INO80D: variants seen among roughly 807,000 people sequenced by gnomAD.
INO80D encodes INO80 complex subunit D.
A neutral mutation model predicts 87.6 loss-of-function variants in INO80D; 21 were observed. That is an observed-to-expected ratio of 0.24 (90% CI 0.17 to 0.35). INO80D has a LOEUF of 0.35. Ranked by LOEUF, INO80D falls within the 10% of genes least tolerant of loss-of-function variation. The pLI is 1.00. For synonymous variants in INO80D, 440 were observed against 491.0 expected (o/e 0.90, Z 1.37); for missense variants, 982 against 1,280.7 (o/e 0.77, Z 3.56).
At chr2:206,012,125 A>G (rs1431581243) in intron 8 of INO80D, among the ~76,000 whole-genome samples, 1 of 152,204 alleles carries the variant, frequency 6.6e-6, no homozygotes, top group African/African-American at 2.4e-5. Flanking sequence ...AGCTAATATG[A>G]TCAGATGTAT....
At chr2:206,028,926 C>T (rs145044147) in intron 5 of INO80D, among the ~76,000 whole-genome samples, 15 of 149,664 alleles carry the variant, frequency 1.0e-4, no homozygotes, top group African/African-American at 2.7e-4. Flanking sequence ...CTCACTCTGT[C>T]GCCCAGGCTG....
chr2:206,064,120 A>AG (rs1689754894), intron 1 of INO80D, among the ~76,000 whole-genome samples: 1 of 152,198 alleles, frequency 6.6e-6, no homozygotes, highest in African/African-American at 2.4e-5. Flanking sequence ...GACCACACTT[A>AG]TATCATTCAT....
rs368118451 is a variant in INO80D at position 206,004,677 on chromosome 2, C to T, written c.2775G>A (p.Ser925=). 4.7e-5 allele frequency: 76 copies of T among 1,613,642 alleles called. No homozygotes were observed. Among genetic ancestry groups the T allele is most frequent in the Middle Eastern group, 3.3e-4 (2 of 6,084 alleles). ...AGGCAGGCTGTGTGGTCTCTGAGTT[C>T]GAAGTGGTGGGTGGCGTGGATAGGG... ...STSLSTPPTT[S]NSETTQPAFA... The change falls in exon 11 of 11, where the codon TCG becomes TCA. Residue 925 remains serine (S), a synonymous_variant. Coordinates refer to ENST00000403263, the MANE Select transcript of INO80D (RefSeq NM_017759.5). The surrounding 1 kb of genome is among the most constrained non-coding windows in gnomAD (Gnocchi z 4.9).
chr2:206,045,106 A>C (rs1689161060), intron 5 of INO80D, among the ~76,000 whole-genome samples: 1 of 152,206 alleles, frequency 6.6e-6, no homozygotes, highest in South Asian at 2.1e-4. Flanking sequence ...ACATCATGCT[A>C]TTATAATTTA....
At position 206,071,593 on chromosome 2, in the gene INO80D, G is replaced by C. The variant is rs1243847109; in HGVS notation, c.-123-8349C>G. 1.4e-5 allele frequency among the ~76,000 whole-genome samples: 2 copies of C among 145,180 alleles called. 1 individual carries two copies. The highest frequency in any genetic ancestry group is 5.1e-5 in the African/African-American group (2 of 39,004). The stretch of plus-strand genomic sequence containing the variant: ...CTTCATTTTTATTTGTTCCATTTTG[G>C]GTTGCTCAAATTTCTCAAGCTTGCT... On this transcript the variant is annotated intron_variant, in intron 1 of 10. Coordinates refer to ENST00000403263, the MANE Select transcript of INO80D (RefSeq NM_017759.5).
At chr2:206,014,498 T>G (rs568599669) in intron 8 of INO80D, among the ~76,000 whole-genome samples, 1 of 152,256 alleles carries the variant, frequency 6.6e-6, no homozygotes, top group Admixed American at 6.5e-5. Context: ...TCTGATGGCT[T>G]TAAAAATGGG....
At position 206,005,318 on chromosome 2, in the gene INO80D, C is replaced by G. The variant is rs1478232140; in HGVS notation, c.2134G>C (p.Asp712His). ...CGCCCATTCAATAGCTCCCCTAGGTCTGTGTTCACCTCTCGGCTCAAGGAT... is the reference window on the plus strand; with the variant it reads ...CGCCCATTCAATAGCTCCCCTAGGTGTGTGTTCACCTCTCGGCTCAAGGAT... ...IQSLSREVNT[D>H]LGELLNGRIV... Residue 712 changes from aspartate (D) to histidine (H), a missense_variant, in exon 11 of 11, where the codon GAC (aspartate) becomes CAC (histidine). Transcript: ENST00000403263. 1 of 1,614,018 alleles carries G rather than the reference C, an allele frequency of 6.2e-7. No homozygotes were observed. Among genetic ancestry groups the G allele is most frequent in the African/African-American group, 1.3e-5 (1 of 75,046 alleles).
At position 206,030,616 on chromosome 2, in the gene INO80D, G is replaced by GT. The variant is rs201870047; in HGVS notation, c.1074-2282dup. On this transcript the variant is annotated intron_variant, in intron 5 of 10. Coordinates refer to ENST00000403263, the MANE Select transcript of INO80D (RefSeq NM_017759.5). ...AGACAGGATGGTGAACAGCAAGAAT[G>GT]TAAGTAGCTTGGTGTGGCTAAGGTA... is the stretch of plus-strand genomic sequence containing the variant. Among the ~76,000 whole-genome samples the GT allele has an allele frequency of 9.2e-3, 1,404 of 152,338 alleles. 9 individuals are homozygous for GT. The highest frequency in any genetic ancestry group is 0.017 in the Middle Eastern group (5 of 294).
At chr2:206,035,072 A>G (rs147150531) in intron 5 of INO80D, among the ~76,000 whole-genome samples, 2,709 of 152,248 alleles carry the variant, frequency 0.018, 86 homozygotes, top group African/African-American at 0.061. Context: ...ACTACAAAAC[A>G]CTGCTGAAAG....
chr2:206,076,823 T>A (rs1430490411), intron 1 of INO80D, among the ~76,000 whole-genome samples: 2 of 152,224 alleles, frequency 1.3e-5, no homozygotes, highest in Non-Finnish European at 2.9e-5. Flanking sequence ...TTTTGCTAAT[T>A]ACTAAGTATA....
intron 4 of INO80D, among the ~76,000 whole-genome samples, chr2:206,047,030 C>T (rs1033560004): frequency 6.6e-5 from 10 of 152,190 alleles, no homozygotes; most frequent in African/African-American, 1.9e-4. Context: ...CCACCCACCT[C>T]GGCCTCCCAA....
intron 5 of INO80D, chr2:206,040,744 C>T (rs1487380140): frequency 7.0e-6 from 2 of 284,964 alleles, no homozygotes; most frequent in South Asian, 7.0e-5. Context: ...CTTCAGAGAT[C>T]CTGCTCTTAA....
intron 8 of INO80D, among the ~76,000 whole-genome samples, chr2:206,014,463 C>A (rs1688265563): frequency 6.6e-6 from 1 of 151,964 alleles, no homozygotes; most frequent in Admixed American, 6.6e-5. Flanking sequence ...CTGTTGTTCT[C>A]GTAATAGTGA....
Position 206,056,902 on chromosome 2 carries a change from T to C in INO80D, c.260A>G (p.Lys87Arg). 1 of 1,607,746 alleles carries C rather than the reference T, an allele frequency of 6.2e-7. No homozygotes were observed. The highest frequency in any genetic ancestry group is 1.1e-5 in the South Asian group (1 of 90,506). Residue 87 changes from lysine to arginine, a missense_variant, in exon 4 of 11, where the codon AAA becomes AGA. By Grantham distance (26) the Lys-to-Arg change is conservative. Transcript: ENST00000403263. Reference protein sequence around the residue: ...SHLQVLGFIPKKERKKKNDPI... With the variant: ...SHLQVLGFIPRKERKKKNDPI... ...ATCATTCTTTTTCTTCCTCTCTTTT[T>C]TCGGGATAAAGCCAAGTACCTGCAA...
chr2:206,067,409 G>A (rs1309554856), intron 1 of INO80D, among the ~76,000 whole-genome samples: 1 of 151,996 alleles, frequency 6.6e-6, no homozygotes, highest in Non-Finnish European at 1.5e-5. Flanking sequence ...ACTGTAGGAT[G>A]GCTATAGTTA....
At chr2:206,056,160 T>C (rs1431165663) in intron 4 of INO80D, 38 bp downstream of exon 4, 3 of 1,520,598 alleles carry the variant, frequency 2.0e-6, no homozygotes, top group African/African-American at 1.4e-5. Flanking sequence ...CATTTTGTCA[T>C]ATTATGTGTC....
At chr2:206,035,512 G>C (rs936195091) in intron 5 of INO80D, among the ~76,000 whole-genome samples, 1 of 152,122 alleles carries the variant, frequency 6.6e-6, no homozygotes. Flanking sequence ...TCAACAAATG[G>C]TGCTGGGATA....
At chr2:206,010,872 G>A (rs1317998072) in intron 8 of INO80D, among the ~76,000 whole-genome samples, 7 of 152,096 alleles carry the variant, frequency 4.6e-5, no homozygotes, top group Admixed American at 4.6e-4. Context: ...GAGGTCAGGA[G>A]TTCGAGACCA....
At chr2:206,064,306 T>C (rs1013638536) in intron 1 of INO80D, among the ~76,000 whole-genome samples, 12 of 152,162 alleles carry the variant, frequency 7.9e-5, no homozygotes, top group Admixed American at 3.9e-4. Flanking sequence ...CACCATCTAG[T>C]CTATCATGAA....
Sources: allele counts gnomAD v4.1 joint callset (sites outside exome capture counted in the v4.1 genomes callset), GRCh38; gene constraint gnomAD v4.1.1; non-coding constraint Gnocchi (gnomAD v3.1); transcripts MANE v1.5; gene names NCBI Gene and HGNC (gene_info 2026-07-23, HGNC 2026-07-21).